The following LSS variants were observed in gnomAD, a reference collection of about 807,000 sequenced individuals.
LSS encodes the protein lanosterol synthase.
A neutral mutation model predicts 110.3 loss-of-function variants in LSS; 90 were observed. The observed-to-expected ratio is 0.82, with a 90% CI of 0.69 to 0.97. LSS has a LOEUF of 0.97. LSS is among the 50% of genes least tolerant of loss of function. LSS has a pLI of 0.00. For missense variants in LSS, 927 were observed against 990.0 expected (o/e 0.94, Z 0.85); for synonymous variants, 433 against 400.0 (o/e 1.08, Z -0.98).
intron 17 of LSS, among the ~76,000 whole-genome samples, chr21:46,196,793 G>C (rs2079915283): frequency 6.6e-6 from 1 of 152,222 alleles, no homozygotes; most frequent in African/African-American, 2.4e-5. Flanking sequence ...GCGGGTCCTG[G>C]GACCGAGGTC....
At chr21:46,213,659 GC>G in intron 10 of LSS, 78 bp downstream of exon 10, 4 of 1,295,498 alleles carry the variant, frequency 3.1e-6, no homozygotes, top group Non-Finnish European at 3.3e-6. Flanking sequence ...CACCGTGGGG[GC>G]CCCCTCACTG....
chr21:46,220,705 G>C (rs962818285), intron 5 of LSS, among the ~76,000 whole-genome samples: 4 of 152,242 alleles, frequency 2.6e-5, no homozygotes, highest in African/African-American at 9.6e-5. Flanking sequence ...CCTTGGGCTG[G>C]AATTGCCCCT....
At chr21:46,206,834 A>G (rs2080055969) in intron 15 of LSS, 66 bp from the exon 16 acceptor site, 1 of 1,201,460 alleles carries the variant, frequency 8.3e-7, no homozygotes, top group Non-Finnish European at 1.2e-6. Flanking sequence ...CCCAGGGCAC[A>G]GCGGAACTCT....
intron 14 of LSS, 127 bp downstream of exon 14, chr21:46,208,124 G>T: frequency 1.2e-6 from 1 of 808,822 alleles, no homozygotes; most frequent in Non-Finnish European, 2.0e-6. Flanking sequence ...CACCACAGCA[G>T]GACACCCAAA....
chr21:46,215,236 G>A lies in LSS; in HGVS notation c.955C>T (p.Leu319=). Residue 319 remains leucine, a synonymous_variant, in exon 9 of 22, where the codon CTG becomes TTG. Transcript: ENST00000397728. The stretch of plus-strand genomic sequence containing the variant: ...TCGTCGGCCACAATGTGTTCATACA[G>A]CTTCTGCACGGCCCGCTGCCGCAGG... The part of the protein sequence containing the change: ...AHLRQRAVQK[L]YEHIVADDRF... 1 of 1,611,348 alleles carries A rather than the reference G, an allele frequency of 6.2e-7. No individual in the cohort carries two copies.
At chr21:46,214,836 A>G (rs1428958013) in intron 9 of LSS, among the ~76,000 whole-genome samples, 1 of 152,074 alleles carries the variant, frequency 6.6e-6, no homozygotes, top group Non-Finnish European at 1.5e-5. Context: ...CTGTTTGGGG[A>G]GAGGGAACCA....
Position 46,194,593 on chromosome 21 carries a change from C to A in LSS, c.1886G>T (p.Trp629Leu), listed in dbSNP as rs774239538. 4.3e-6 allele frequency: 7 copies of A among 1,613,750 alleles called. No homozygotes were observed. Among genetic ancestry groups the A allele is most frequent in the Admixed American group, 1.7e-5 (1 of 60,006 alleles). Residue 629 changes from tryptophan (W) to leucine (L), a missense_variant, in exon 20 of 22, where the codon TGG becomes TTG. By Grantham distance (61) the Trp-to-Leu change is moderately conservative. Coordinates refer to ENST00000397728, the MANE Select transcript of LSS (RefSeq NM_002340.6). ...CTCGCAGGACTCAAAGTCCTCCCCCCAGCCTCCGTCTGCCATCTGCCGGGA... is the reference window on the plus strand; with the variant it reads ...CTCGCAGGACTCAAAGTCCTCCCCCAAGCCTCCGTCTGCCATCTGCCGGGA... ...LLSRQMADGG[W>L]GEDFESCEER...
chr21:46,209,528 C>G lies in LSS; in HGVS notation c.1266+26G>C. 6.3e-7 allele frequency: 1 copy of G among 1,586,562 alleles called. No individual in the cohort carries two copies. The highest frequency in any genetic ancestry group is 8.6e-7 in the Non-Finnish European group (1 of 1,166,308). ...AGCCCTGATCCCCCTCTTCAGCCCC[C>G]TCAGAGCCCCAGGCACCGGCCTCAC... is the stretch of plus-strand genomic sequence containing the variant. On this transcript the variant is annotated intron_variant, in intron 13 of 21. Coordinates refer to ENST00000397728, the MANE Select transcript of LSS (RefSeq NM_002340.6). This position sits in a 1 kb window ranked among gnomAD's most constrained non-coding sequence, Gnocchi z 4.4.
At chr21:46,195,921 A>G (rs548167517) in intron 18 of LSS, among the ~76,000 whole-genome samples, 165 bp from the exon 19 acceptor site, 54 of 152,340 alleles carry the variant, frequency 3.5e-4, no homozygotes, top group African/African-American at 1.2e-3. Flanking sequence ...CTGGACCCTA[A>G]GAGCAAGCAG....
rs1433442516 is a variant in LSS, at chr21:46,207,571, A to G, written c.1324T>C (p.Phe442Leu). 1 of 1,606,018 alleles carries G rather than the reference A, an allele frequency of 6.2e-7. No individual in the cohort carries two copies. The highest frequency in any genetic ancestry group is 1.1e-5 in the South Asian group (1 of 90,096). ...CCGCAGTCCAGCGTACTGAAGGAGA[A>G]GCCACCCTGCAGAGCACAAGCCATG... ...KYYRQMRKGG[F>L]SFSTLDCGWI... Residue 442 changes from phenylalanine (F) to leucine (L), a missense_variant, in exon 15 of 22, where the codon TTC (phenylalanine) becomes CTC (leucine). Phe to Leu is a conservative substitution (Grantham distance 22, BLOSUM62 0). Transcript: ENST00000397728.
Position 46,194,346 on chromosome 21 carries a change from A to T in LSS, c.1988+145T>A, listed in dbSNP as rs973285917. 1.1e-5 allele frequency: 10 copies of T among 933,912 alleles called. No homozygotes were observed. In the African/African-American group the frequency reaches 1.5e-4, roughly 14 times the overall value. 57.9% of individuals were successfully genotyped at this position (933,912 alleles called of 1,614,324 possible). Reference sequence around the variant, plus strand: ...CAGGAACCAGGCATGTGGCTCTTGTAGGTGTCTGTTCCCAGAGTGGCAGCT... The same window carrying T: ...CAGGAACCAGGCATGTGGCTCTTGTTGGTGTCTGTTCCCAGAGTGGCAGCT... On this transcript the variant is annotated intron_variant, in intron 20 of 21. Transcript: ENST00000397728.
intron 3 of LSS, among the ~76,000 whole-genome samples, chr21:46,226,611 G>A (rs1373620817): frequency 2.6e-5 from 4 of 152,214 alleles, no homozygotes; most frequent in Admixed American, 2.0e-4. Context: ...TATCTCATTA[G>A]GCTTATTCTA....
At position 46,188,780 on chromosome 21, in the gene LSS, G is replaced by A. The variant is rs897839439; in HGVS notation, c.*2324C>T. 1.7e-5 allele frequency: 8 copies of A among 471,256 alleles called. No individual in the cohort carries two copies. The highest frequency in any genetic ancestry group is 6.5e-4 in the Middle Eastern group (2 of 3,100). 29.2% of individuals were successfully genotyped at this position (471,256 alleles called of 1,614,324 possible). Reference sequence around the variant, plus strand: ...GAAGTCCTGCCTGTGTAATAACACCGAAGAGGGCAGGGAATCGCTGCGTCC... The same window carrying A: ...GAAGTCCTGCCTGTGTAATAACACCAAAGAGGGCAGGGAATCGCTGCGTCC... On this transcript the variant is annotated 3_prime_UTR_variant, in exon 22 of 22. Coordinates refer to ENST00000397728, the MANE Select transcript of LSS (RefSeq NM_002340.6).
chr21:46,226,553 T>C (rs1485003809), intron 3 of LSS, among the ~76,000 whole-genome samples: 2 of 152,242 alleles, frequency 1.3e-5, no homozygotes, highest in African/African-American at 4.8e-5. Flanking sequence ...CCAGTGCTCC[T>C]CCTGCTAGTC....
chr21:46,213,089 G>A (rs774056441), intron 10 of LSS, 37 bp from the exon 11 acceptor site: 8 of 1,608,222 alleles, frequency 5.0e-6, no homozygotes, highest in Admixed American at 1.7e-5. Flanking sequence ...GGTGCAAGGA[G>A]AAAGCTGGAA....
Position 46,188,686 on chromosome 21 carries a change from T to C in LSS, c.*2418A>G, listed in dbSNP as rs759293344. ...TCTTCGTGGAACAGGAAAAATACAC[T>C]CCCTCTAAACAATGGATTGAACACA... On this transcript the variant is annotated 3_prime_UTR_variant, in exon 22 of 22. Coordinates refer to ENST00000397728, the MANE Select transcript of LSS (RefSeq NM_002340.6). 6.4e-6 allele frequency: 3 copies of C among 470,578 alleles called. No homozygotes were observed. Among genetic ancestry groups the C allele is most frequent in the African/African-American group, 2.0e-5 (1 of 49,914 alleles). 29.2% of individuals were successfully genotyped at this position (470,578 alleles called of 1,614,324 possible). A position where few individuals can be genotyped will look rare whatever the true frequency, so the allele number is the denominator to read the frequency against.
At chr21:46,200,083 G>A (rs777174262) in intron 17 of LSS, among the ~76,000 whole-genome samples, 1 of 152,176 alleles carries the variant, frequency 6.6e-6, no homozygotes. Context: ...TAAATTTAAA[G>A]CTGCTATAAA....
In LSS at chr21:46,209,542, C is replaced by T; in HGVS notation, c.1266+12G>A. 2 of 1,598,302 alleles carry T rather than the reference C, an allele frequency of 1.3e-6. No homozygotes were observed. The highest frequency in any genetic ancestry group is 1.1e-5 in the South Asian group (1 of 87,978). On this transcript the variant is annotated intron_variant, in intron 13 of 21. Transcript: ENST00000397728. This position sits in a 1 kb window ranked among gnomAD's most constrained non-coding sequence, Gnocchi z 4.4. ...TCTTCAGCCCCCTCAGAGCCCCAGGCACCGGCCTCACCTGTGAGAGCCTCA... is the reference window on the plus strand; with the variant it reads ...TCTTCAGCCCCCTCAGAGCCCCAGGTACCGGCCTCACCTGTGAGAGCCTCA...
intron 8 of LSS, 96 bp from the exon 9 acceptor site, chr21:46,215,394 G>A (rs1287956439): frequency 4.9e-6 from 4 of 818,072 alleles, no homozygotes; most frequent in Non-Finnish European, 7.9e-6. Flanking sequence ...CCCTTCCCAG[G>A]GTTTCCCCCT....
Sources: allele counts gnomAD v4.1 joint callset (sites outside exome capture counted in the v4.1 genomes callset), GRCh38; gene constraint gnomAD v4.1.1; non-coding constraint Gnocchi (gnomAD v3.1); transcripts MANE v1.5; gene names NCBI Gene and HGNC (gene_info 2026-07-23, HGNC 2026-07-21).